The following MMP27 variants were observed in gnomAD, a reference collection of about 807,000 sequenced individuals.
MMP27 encodes the protein matrix metalloproteinase-27.
A neutral mutation model predicts 48.1 loss-of-function variants in MMP27; 51 were observed. The ratio of observed to expected loss-of-function variants is 1.06; its 90% CI spans 0.85 to 1.34. The LOEUF (loss-of-function observed/expected upper bound fraction) is 1.34. Among genes scored for constraint, MMP27 ranks in the 40% most tolerant of loss-of-function variants. The pLI is 0.00. For synonymous variants in MMP27, 229 were observed against 208.9 expected, an observed-to-expected ratio of 1.10 and a Z score of -0.83; for missense variants, 698 against 619.3, an observed-to-expected ratio of 1.13 and a Z score of -1.35.
chr11:102,698,481 A>T (rs1860875859), intron 4 of MMP27, among the ~76,000 whole-genome samples: 1 of 152,168 alleles, frequency 6.6e-6, no homozygotes, highest in South Asian at 2.1e-4. Context: ...TATTAAAAAA[A>T]AAAAGAAGCC....
intron 2 of MMP27, among the ~76,000 whole-genome samples, chr11:102,703,726 GT>G (rs1009763552): frequency 1.3e-5 from 2 of 152,000 alleles, no homozygotes; most frequent in Non-Finnish European, 2.9e-5. Flanking sequence ...GTTTTGCCAC[GT>G]TTGCCAGGCT....
chr11:102,695,005 G>A lies in MMP27; in HGVS notation c.995C>T (p.Ala332Val), dbSNP rs780681078. 7.5e-5 allele frequency: 121 copies of A among 1,613,906 alleles called. No homozygotes were observed. The highest frequency in any genetic ancestry group is 1.0e-4 in the Non-Finnish European group (121 of 1,179,984). The stretch of plus-strand genomic sequence containing the variant: ...AATCTTATCTCTGGGGTTCTCGTAT[G>A]CAGCTTGCAGATCAGCTGGCAGAGA... ...WPSLPADLQA[A>V]YENPRDKILV... The change falls in exon 7 of 10, where the codon GCA becomes GTA. Residue 332 changes from alanine (A) to valine (V), a missense_variant. Coordinates refer to ENST00000260229, the MANE Select transcript of MMP27 (RefSeq NM_022122.3).
chr11:102,697,418 T>C (rs1369028450), intron 4 of MMP27, among the ~76,000 whole-genome samples: 1 of 152,238 alleles, frequency 6.6e-6, no homozygotes. Context: ...TTATGTAGAC[T>C]GTATAAACAC....
At position 102,692,958 on chromosome 11, in the gene MMP27, T is replaced by C; in HGVS notation, c.1277A>G (p.Asp426Gly). The C allele has an allele frequency of 6.2e-7, 1 of 1,613,672 alleles. No individual in the cohort carries two copies. Among genetic ancestry groups the C allele is most frequent in the South Asian group, 1.1e-5 (1 of 91,058 alleles). ...KHFPGISIRV[D>G]AAFQYKGFFF... is the part of the protein sequence containing the mutation. Reference sequence around the variant, plus strand: ...CTTACCTTTGTACTGGAAAGCAGCATCAACACGGATACTGATTCCAGGAAA... The same window carrying C: ...CTTACCTTTGTACTGGAAAGCAGCACCAACACGGATACTGATTCCAGGAAA... The change falls in exon 9 of 10, where the codon GAT becomes GGT. Residue 426 changes from aspartate (D) to glycine (G), a missense_variant. Asp to Gly is a moderately conservative substitution (Grantham distance 94). Coordinates refer to ENST00000260229, the MANE Select transcript of MMP27 (RefSeq NM_022122.3).
intron 3 of MMP27, 31 bp downstream of exon 3, chr11:102,702,936 TAAA>T (rs1398446533): frequency 1.7e-5 from 28 of 1,611,952 alleles, no homozygotes; most frequent in Non-Finnish European, 2.4e-5. Flanking sequence ...TCTCCTGAGA[TAAA>T]AATAGCTTTG....
Position 102,702,886 on chromosome 11 carries a change from G to C in MMP27, c.491-5C>G. On this transcript the variant is annotated splice_region_variant and splice_polypyrimidine_tract_variant and intron_variant, in intron 3 of 9. Coordinates refer to ENST00000260229, the MANE Select transcript of MMP27 (RefSeq NM_022122.3). ...AGCGAGGACACCGACCATGGACTGA[G>C]ATACAATTTATGCGAGGAAAAAAGA... 1 of 1,612,906 alleles carries C rather than the reference G, an allele frequency of 6.2e-7. No individual in the cohort carries two copies. Among genetic ancestry groups the C allele is most frequent in the Non-Finnish European group, 8.5e-7 (1 of 1,179,714 alleles).
chr11:102,699,551 C>A (rs1466302454), intron 4 of MMP27, among the ~76,000 whole-genome samples: 1 of 152,196 alleles, frequency 6.6e-6, no homozygotes, highest in Non-Finnish European at 1.5e-5. Flanking sequence ...CTAAGGAAAA[C>A]CTCAGCTTCC....
chr11:102,705,342 C>G (rs1861026280), intron 1 of MMP27, among the ~76,000 whole-genome samples: 1 of 152,120 alleles, frequency 6.6e-6, no homozygotes, highest in African/African-American at 2.4e-5. Context: ...CCATACCTTG[C>G]AGGGCTCTCT....
rs745694774 is a variant in MMP27, at chr11:102,691,801, C to A, written c.1507G>T (p.Val503Phe). Reference protein sequence around the residue: ...KSLSLFIFGIVHLLKNTSIYQ With the variant: ...KSLSLFIFGIFHLLKNTSIYQ The stretch of plus-strand genomic sequence containing the variant: ...ATAGAAGTGTTTTTCAGCAAATGAA[C>A]AATACCAAAAATAAACAAGCTTAAA... Residue 503 changes from valine (V) to phenylalanine (F), a missense_variant, in exon 10 of 10, where the codon GTT (valine) becomes TTT (phenylalanine). Coordinates refer to ENST00000260229, the MANE Select transcript of MMP27 (RefSeq NM_022122.3). 2.5e-6 allele frequency: 4 copies of A among 1,605,732 alleles called. No individual in the cohort carries two copies. The highest frequency in any genetic ancestry group is 1.7e-5 in the Admixed American group (1 of 59,518).
intron 4 of MMP27, among the ~76,000 whole-genome samples, chr11:102,697,904 G>A (rs1261000406): frequency 6.6e-6 from 1 of 152,044 alleles, no homozygotes; most frequent in African/African-American, 2.4e-5. Context: ...CTTTGATCAG[G>A]GTCATCCGTA....
In MMP27 at chr11:102,695,084, T is replaced by A. The variant is rs1164462518; in HGVS notation, c.916A>T (p.Ile306Phe). 6 of 1,613,682 alleles carry A rather than the reference T, an allele frequency of 3.7e-6. No individual in the cohort carries two copies. Among genetic ancestry groups the A allele is most frequent in the Admixed American group, 1.7e-5 (1 of 59,970 alleles). The change falls in exon 7 of 10, where the codon ATC becomes TTC. Residue 306 changes from isoleucine to phenylalanine, a missense_variant. Transcript: ENST00000260229. ...TCAACATCCGTGATATCATAATAGA[T>A]CCTCCATAGGTGCCTGTGTTAAACA... Reference protein sequence around the residue: ...MFFKGRHLWRIYYDITDVEFE... With the variant: ...MFFKGRHLWRFYYDITDVEFE...
rs776005448 is a variant in MMP27 at position 102,696,693 on chromosome 11, A to G, written c.762T>C (p.Asn254=). Residue 254 remains asparagine, a synonymous_variant, in exon 5 of 10, where the codon AAT becomes AAC. Coordinates refer to ENST00000260229, the MANE Select transcript of MMP27 (RefSeq NM_022122.3). ...RKYPLSQDDI[N]GIQSIYGGLP... is the part of the protein sequence containing the mutation. ...GCTCACCATAGATGGACTGGATTCC[A>G]TTGATATCATCCTGAGAAAGTGGGT... 1.2e-6 allele frequency: 2 copies of G among 1,613,278 alleles called. No individual in the cohort carries two copies. The highest frequency in any genetic ancestry group is 3.3e-5 in the Admixed American group (2 of 59,872).
Position 102,691,672 on chromosome 11 carries a change from G to A in MMP27, c.*94C>T, listed in dbSNP as rs1860725042. On this transcript the variant is annotated 3_prime_UTR_variant, in exon 10 of 10. Coordinates refer to ENST00000260229, the MANE Select transcript of MMP27 (RefSeq NM_022122.3). ...ATTGAATTTGGATATTTAGAACTAG[G>A]ACCAGCAACTTGTTGTTAAAGAATG... 8.8e-7 allele frequency: 1 copy of A among 1,137,936 alleles called. No homozygotes were observed. Among genetic ancestry groups the A allele is most frequent in the Non-Finnish European group, 1.2e-6 (1 of 823,922 alleles). 70.5% of individuals were successfully genotyped at this position (1,137,936 alleles called of 1,614,324 possible).
chr11:102,703,637 C>A (rs1487686961), intron 2 of MMP27, among the ~76,000 whole-genome samples: 1 of 152,126 alleles, frequency 6.6e-6, no homozygotes, highest in South Asian at 2.1e-4. Flanking sequence ...ATTCTCATGC[C>A]TCAGCCTCCT....
chr11:102,704,478 T>A (rs1861006595), intron 2 of MMP27, 59 bp downstream of exon 2: 2 of 1,311,834 alleles, frequency 1.5e-6, no homozygotes, highest in Admixed American at 3.6e-5. Flanking sequence ...ATTCTGTTCC[T>A]TGGAAATTAT....
rs533353307 is a variant in MMP27, at chr11:102,693,054, A to G, written c.1194-13T>C. The G allele has an allele frequency of 1.3e-6, 2 of 1,596,722 alleles. No homozygotes were observed. Among genetic ancestry groups the G allele is most frequent in the Admixed American group, 1.7e-5 (1 of 59,826 alleles). On this transcript the variant is annotated splice_polypyrimidine_tract_variant and intron_variant, in intron 8 of 9. Coordinates refer to ENST00000260229, the MANE Select transcript of MMP27 (RefSeq NM_022122.3). ...CATTTCATCAAACCTGCATACAAGAATATGAAAGGATACCAGCGGATCTTT... is the reference window on the plus strand; with the variant it reads ...CATTTCATCAAACCTGCATACAAGAGTATGAAAGGATACCAGCGGATCTTT...
At position 102,703,028 on chromosome 11, in the gene MMP27, T is replaced by G. The variant is rs143595143; in HGVS notation, c.432A>C (p.Leu144=). Residue 144 remains leucine, a synonymous_variant, in exon 3 of 10, where the codon CTA becomes CTC. Transcript: ENST00000260229. ...TCCCCTTTGAAATCTTGGTGAATTTTAGTGGAGTGACTTTGCTCCACACTT... is the reference window on the plus strand; with the variant it reads ...TCCCCTTTGAAATCTTGGTGAATTTGAGTGGAGTGACTTTGCTCCACACTT... ...GLEVWSKVTP[L]KFTKISKGIA... The G allele has an allele frequency of 6.9e-4, 1,116 of 1,614,200 alleles. 1 individual carries two copies. The highest frequency in any genetic ancestry group is 1.8e-3 in the Admixed American group (110 of 60,020).
At chr11:102,695,666 C>G (rs749986849) in intron 6 of MMP27, among the ~76,000 whole-genome samples, 2 of 152,076 alleles carry the variant, frequency 1.3e-5, no homozygotes, top group Admixed American at 6.6e-5. Context: ...GATTGTAACG[C>G]GATATATTCA....
At chr11:102,696,089 T>C (rs1368137400) in intron 6 of MMP27, among the ~76,000 whole-genome samples, 1 of 152,206 alleles carries the variant, frequency 6.6e-6, no homozygotes, top group Non-Finnish European at 1.5e-5. Flanking sequence ...AGTAGGCCAC[T>C]GGGATTGGTG....
Sources: allele counts gnomAD v4.1 joint callset (sites outside exome capture counted in the v4.1 genomes callset), GRCh38; gene constraint gnomAD v4.1.1; transcripts MANE v1.5; gene names NCBI Gene and HGNC (gene_info 2026-07-23, HGNC 2026-07-21).